The following SHC4 variants were observed in gnomAD, a reference collection of about 807,000 sequenced individuals.
SHC4 encodes SHC adaptor protein 4, also known as SHC-transforming protein 4.
A neutral mutation model predicts 69.4 loss-of-function variants in SHC4; 41 were observed. The observed-to-expected ratio is 0.59, with a 90% CI of 0.46 to 0.77. The LOEUF is 0.77. Among genes scored for constraint, SHC4 ranks in the 30% least tolerant of loss-of-function variants. The pLI is 0.00. For missense variants in SHC4, 777 were observed against 783.8 expected, an observed-to-expected ratio of 0.99 and a Z score of 0.10; for synonymous variants, 318 against 299.3, an observed-to-expected ratio of 1.06 and a Z score of -0.64.
intron 10 of SHC4, among the ~76,000 whole-genome samples, chr15:48,839,114 C>G (rs148496143): frequency 0.014 from 2,164 of 152,038 alleles, 20 homozygotes; most frequent in Admixed American, 0.025. Context: ...GAGGACTGAT[C>G]AAGTAAAAAG....
intron 11 of SHC4, among the ~76,000 whole-genome samples, chr15:48,831,774 TATA>T (rs1595724699): frequency 2.0e-5 from 3 of 152,386 alleles, no homozygotes; most frequent in East Asian, 1.9e-4. Flanking sequence ...ACACTGCCAT[TATA>T]ATATTACAGT....
intron 1 of SHC4, among the ~76,000 whole-genome samples, chr15:48,951,426 A>G (rs935312523): frequency 2.6e-5 from 4 of 151,894 alleles, no homozygotes; most frequent in Non-Finnish European, 5.9e-5. Context: ...CTCTCTGAGC[A>G]TTGCAGCCCA....
chr15:48,942,822 T>G (rs549343690), intron 1 of SHC4, among the ~76,000 whole-genome samples: 2 of 152,336 alleles, frequency 1.3e-5, no homozygotes, highest in East Asian at 3.9e-4. Flanking sequence ...AGGCAGCTTC[T>G]TTTCTTGCCC....
intron 9 of SHC4, among the ~76,000 whole-genome samples, chr15:48,845,636 G>A (rs902953721): frequency 7.9e-5 from 12 of 152,104 alleles, no homozygotes; most frequent in Non-Finnish European, 1.0e-4. Flanking sequence ...GCTTATAAAC[G>A]AGAATGATCT....
intron 2 of SHC4, among the ~76,000 whole-genome samples, chr15:48,900,314 C>T (rs186915365): frequency 1.3e-5 from 2 of 152,106 alleles, no homozygotes; most frequent in Non-Finnish European, 1.5e-5. Flanking sequence ...TCAAGACCAG[C>T]CTGGCCAACA....
intron 11 of SHC4, 38 bp from the exon 12 acceptor site, chr15:48,826,164 T>C (rs374634285): frequency 6.4e-6 from 10 of 1,567,042 alleles, no homozygotes; most frequent in African/African-American, 1.4e-5. Flanking sequence ...GGTTAAATTA[T>C]AGTAGTTCTC....
intron 9 of SHC4, among the ~76,000 whole-genome samples, chr15:48,846,908 G>A (rs1899103747): frequency 1.3e-5 from 2 of 151,534 alleles, no homozygotes; most frequent in South Asian, 4.1e-4. Flanking sequence ...TTACCATCCC[G>A]TAGGATGACA....
At chr15:48,956,992 T>C (rs967718401) in intron 1 of SHC4, among the ~76,000 whole-genome samples, 2 of 123,320 alleles carry the variant, frequency 1.6e-5, no homozygotes, top group African/African-American at 3.0e-5. Context: ...TTTTTTTTTT[T>C]TTTGAGACAG....
intron 5 of SHC4, among the ~76,000 whole-genome samples, chr15:48,870,464 A>T (rs780009266): frequency 7.9e-5 from 12 of 152,244 alleles, no homozygotes; most frequent in Admixed American, 1.3e-4. Flanking sequence ...AAATGGCAGC[A>T]TCATGGAACT....
intron 2 of SHC4, among the ~76,000 whole-genome samples, chr15:48,907,160 C>G (rs1224425074): frequency 6.6e-6 from 1 of 150,712 alleles, no homozygotes; most frequent in South Asian, 2.1e-4. Context: ...TAGATATGGC[C>G]CAGAGGATTG....
intron 2 of SHC4, among the ~76,000 whole-genome samples, chr15:48,908,090 T>C (rs989651094): frequency 3.3e-5 from 5 of 152,200 alleles, no homozygotes; most frequent in African/African-American, 9.6e-5. Flanking sequence ...CTGGATCAAA[T>C]GGTAGTTCTA....
chr15:48,955,995 C>G (rs892949477), intron 1 of SHC4, among the ~76,000 whole-genome samples: 2 of 152,106 alleles, frequency 1.3e-5, no homozygotes, highest in Admixed American at 1.3e-4. Flanking sequence ...AGTTAAGGCT[C>G]TAGTGTCCAG....
At chr15:48,840,569 T>C (rs1415846758) in intron 10 of SHC4, among the ~76,000 whole-genome samples, 3 of 151,890 alleles carry the variant, frequency 2.0e-5, no homozygotes, top group African/African-American at 4.8e-5. Context: ...AGGAAGAAAA[T>C]AGAAGGATCC....
In SHC4 at chr15:48,843,594, G is replaced by C; in HGVS notation, c.1304-6C>G. ...CCCTCTTGGATGGACATTACCTGTA[G>C]TGATTAGTAGTGATCAATACATTAT... On this transcript the variant is annotated splice_region_variant and splice_polypyrimidine_tract_variant and intron_variant, in intron 9 of 11. Coordinates refer to ENST00000332408, the MANE Select transcript of SHC4 (RefSeq NM_203349.4). 1.2e-6 allele frequency: 2 copies of C among 1,606,384 alleles called. No homozygotes were observed. The highest frequency in any genetic ancestry group is 1.7e-6 in the Non-Finnish European group (2 of 1,174,466).
intron 2 of SHC4, among the ~76,000 whole-genome samples, chr15:48,900,266 G>A (rs1900299461): frequency 6.6e-6 from 1 of 152,116 alleles, no homozygotes; most frequent in Admixed American, 6.5e-5. Context: ...CCAGCACTTT[G>A]GAAGGGCTAG....
At chr15:48,860,466 C>T (rs1475672546) in intron 6 of SHC4, among the ~76,000 whole-genome samples, 1 of 152,016 alleles carries the variant, frequency 6.6e-6, no homozygotes, top group Non-Finnish European at 1.5e-5. Flanking sequence ...AAGATGGCGT[C>T]ATTGCACTCC....
chr15:48,959,415 A>G (rs1901502854), intron 1 of SHC4, among the ~76,000 whole-genome samples: 1 of 152,248 alleles, frequency 6.6e-6, no homozygotes, highest in Non-Finnish European at 1.5e-5. Flanking sequence ...ATGGATGCCC[A>G]GTGCCTAGAA....
At chr15:48,910,190 GT>G (rs922629223) in intron 2 of SHC4, among the ~76,000 whole-genome samples, 66 of 150,942 alleles carry the variant, frequency 4.4e-4, no homozygotes, top group South Asian at 1.0e-3. Flanking sequence ...GGTCCTGGAG[GT>G]TTTTTTTTGT....
intron 1 of SHC4, among the ~76,000 whole-genome samples, chr15:48,962,205 G>A (rs758676031): frequency 6.6e-6 from 1 of 152,178 alleles, no homozygotes; most frequent in Non-Finnish European, 1.5e-5. Context: ...TGTCCTACAA[G>A]TTAGCACCGG....
Sources: allele counts gnomAD v4.1 joint callset (sites outside exome capture counted in the v4.1 genomes callset), GRCh38; gene constraint gnomAD v4.1.1; transcripts MANE v1.5; gene names NCBI Gene and HGNC (gene_info 2026-07-23, HGNC 2026-07-21).